SMAD9: variants seen among roughly 807,000 people sequenced by gnomAD.
SMAD9 encodes the protein MAD homolog 9.
Under a neutral mutation model 46.1 loss-of-function variants are expected in SMAD9, and 36 were observed. The ratio of observed to expected loss-of-function variants is 0.78; its 90% CI spans 0.60 to 1.03. The LOEUF is 1.03. Among genes scored for constraint, SMAD9 ranks in the 50% least tolerant of loss-of-function variants. The pLI, the probability that SMAD9 is intolerant of heterozygous loss-of-function variation, is 0.00. For missense variants in SMAD9, 572 were observed against 599.8 expected, an observed-to-expected ratio of 0.95 and a Z score of 0.48; for synonymous variants, 245 against 237.1, an observed-to-expected ratio of 1.03 and a Z score of -0.31.
Position 36,868,918 on chromosome 13 carries a change from C to A in SMAD9, c.671-1535G>T, listed in dbSNP as rs191797435. Among the ~76,000 whole-genome samples, 4 of 152,148 alleles carry A rather than the reference C, an allele frequency of 2.6e-5. No individual in the cohort carries two copies. In the East Asian group the frequency reaches 7.7e-4, roughly 29 times the overall value. ...TTTTTTAAAATGTGGTATAGCCATA[C>A]AATGAGATATCGTTCAGTCACAAAG... On this transcript the variant is annotated intron_variant, in intron 3 of 6. Coordinates refer to ENST00000379826, the MANE Select transcript of SMAD9 (RefSeq NM_001127217.3).
At chr13:36,870,515 T>C (rs1374288552) in intron 3 of SMAD9, among the ~76,000 whole-genome samples, 3 of 149,794 alleles carry the variant, frequency 2.0e-5, no homozygotes, top group African/African-American at 5.0e-5. Flanking sequence ...CATATCCCTG[T>C]TTTAGTTCAA....
chr13:36,862,503 A>G (rs2058192203), intron 5 of SMAD9, among the ~76,000 whole-genome samples: 1 of 152,184 alleles, frequency 6.6e-6, no homozygotes. Flanking sequence ...TACCCTATAT[A>G]GTCTAAAAAG....
Position 36,847,720 on chromosome 13 carries a change from G to A in SMAD9, c.*956C>T, listed in dbSNP as rs1207396507. 6.6e-6 allele frequency: 1 copy of A among 152,260 alleles called. No homozygotes were observed. Among genetic ancestry groups the A allele is most frequent in the Non-Finnish European group, 1.5e-5 (1 of 68,048 alleles). 9.4% of individuals were successfully genotyped at this position (152,260 alleles called of 1,614,324 possible). On this transcript the variant is annotated 3_prime_UTR_variant, in exon 7 of 7. Coordinates refer to ENST00000379826, the MANE Select transcript of SMAD9 (RefSeq NM_001127217.3). ...AGTGCCCTTCCCAGGAGACTGGAAC[G>A]TGGGAAATGAGAAAGTGTAAGTCGA...
chr13:36,896,674 T>C (rs1241384973), intron 1 of SMAD9, among the ~76,000 whole-genome samples: 2 of 151,990 alleles, frequency 1.3e-5, no homozygotes, highest in African/African-American at 2.4e-5. Flanking sequence ...CCAAAAAAAA[T>C]AGAAAAATAT....
intron 5 of SMAD9, among the ~76,000 whole-genome samples, chr13:36,863,023 G>C (rs980468020): frequency 6.6e-6 from 1 of 152,156 alleles, no homozygotes; most frequent in African/African-American, 2.4e-5. Flanking sequence ...GTAAGTACTC[G>C]TGAGATGAAT....
At chr13:36,863,428 C>A (rs536429972) in intron 5 of SMAD9, among the ~76,000 whole-genome samples, 1 of 152,238 alleles carries the variant, frequency 6.6e-6, no homozygotes, top group East Asian at 1.9e-4. Flanking sequence ...GTTTGCAGAA[C>A]AGGTCATCAG....
intron 3 of SMAD9, among the ~76,000 whole-genome samples, chr13:36,868,099 C>T (rs1276940099): frequency 1.3e-5 from 2 of 152,200 alleles, no homozygotes; most frequent in South Asian, 2.1e-4. Context: ...AATACAACAG[C>T]GTAAAAGGTT....
At chr13:36,855,075 C>T (rs751226407) in intron 5 of SMAD9, among the ~76,000 whole-genome samples, 4 of 151,734 alleles carry the variant, frequency 2.6e-5, no homozygotes, top group Non-Finnish European at 5.9e-5. Context: ...AGATCAGGAG[C>T]TCAAGTCTGG....
At chr13:36,870,722 A>T (rs185927171) in intron 3 of SMAD9, among the ~76,000 whole-genome samples, 325 of 128,186 alleles carry the variant, frequency 2.5e-3, no homozygotes, top group African/African-American at 0.01. Context: ...TCCTATACAT[A>T]CCTGTGATAA....
intron 1 of SMAD9, among the ~76,000 whole-genome samples, chr13:36,888,651 A>C (rs2058466978): frequency 6.6e-6 from 1 of 152,122 alleles, no homozygotes; most frequent in South Asian, 2.1e-4. Context: ...CAAATCATAC[A>C]CTGATCATGT....
At chr13:36,904,204 G>C (rs2058600459) in intron 1 of SMAD9, among the ~76,000 whole-genome samples, 1 of 152,178 alleles carries the variant, frequency 6.6e-6, no homozygotes, top group Admixed American at 6.5e-5. Flanking sequence ...GAGGATGCAA[G>C]TGTACCTCTT....
chr13:36,875,276 G>T (rs9547688), intron 2 of SMAD9, among the ~76,000 whole-genome samples: 1 of 152,040 alleles, frequency 6.6e-6, no homozygotes, highest in East Asian at 1.9e-4. Context: ...CATTAACCCC[G>T]AAGTCTGCCA....
At chr13:36,857,359 G>A (rs1052421363) in intron 5 of SMAD9, among the ~76,000 whole-genome samples, 2 of 152,180 alleles carry the variant, frequency 1.3e-5, no homozygotes, top group Non-Finnish European at 2.9e-5. Context: ...AGTACTGCCT[G>A]AGATCATAAA....
chr13:36,872,614 G>T, intron 3 of SMAD9, 44 bp downstream of exon 3: 1 of 1,604,146 alleles, frequency 6.2e-7, no homozygotes, highest in Non-Finnish European at 8.5e-7. Flanking sequence ...ATGATGTTGG[G>T]CTTATTTTCC....
chr13:36,868,693 C>T (rs996417181), intron 3 of SMAD9, among the ~76,000 whole-genome samples: 1 of 151,956 alleles, frequency 6.6e-6, no homozygotes, highest in Admixed American at 6.6e-5. Context: ...TGACTGTGCC[C>T]CCATACTCCA....
chr13:36,883,514 G>A (rs1025793105), intron 1 of SMAD9, among the ~76,000 whole-genome samples: 29 of 152,202 alleles, frequency 1.9e-4, no homozygotes, highest in Admixed American at 1.3e-4. Flanking sequence ...ACTTTGGGAG[G>A]CTTTGGCAGG....
intron 1 of SMAD9, among the ~76,000 whole-genome samples, chr13:36,881,472 C>G (rs1425643898): frequency 6.6e-6 from 1 of 152,188 alleles, no homozygotes; most frequent in Non-Finnish European, 1.5e-5. Context: ...GCCTTATAAC[C>G]CCCCGCTAGG....
At chr13:36,894,121 T>G (rs680568) in intron 1 of SMAD9, among the ~76,000 whole-genome samples, 71,474 of 151,978 alleles carry the variant, frequency 0.47, 17,011 homozygotes, top group African/African-American at 0.54. Context: ...TGAATAAGAA[T>G]GTTAAGAACA....
At chr13:36,915,017 T>C (rs552808176) in intron 1 of SMAD9, among the ~76,000 whole-genome samples, 139 of 152,242 alleles carry the variant, frequency 9.1e-4, no homozygotes, top group African/African-American at 2.7e-3. Flanking sequence ...CTTTAACAGA[T>C]GAAAAGTAAA....
Sources: allele counts gnomAD v4.1 joint callset (sites outside exome capture counted in the v4.1 genomes callset), GRCh38; gene constraint gnomAD v4.1.1; transcripts MANE v1.5; gene names NCBI Gene and HGNC (gene_info 2026-07-23, HGNC 2026-07-21).